The following IMMP2L variants were observed in gnomAD, a reference collection of about 807,000 sequenced individuals.
The protein encoded by IMMP2L is inner mitochondrial membrane peptidase subunit 2, also known as mitochondrial inner membrane protease subunit 2.
IMMP2L carries 18 observed loss-of-function variants against 19.3 expected under a neutral mutation model. That is an observed-to-expected ratio of 0.93 (90% CI 0.64 to 1.38). IMMP2L has a LOEUF of 1.38. IMMP2L is among the 40% of genes most tolerant of loss of function. The pLI is 0.00. For synonymous variants in IMMP2L, 76 were observed against 73.0 expected, an observed-to-expected ratio of 1.04 and a Z score of -0.21; for missense variants, 233 against 218.2, an observed-to-expected ratio of 1.07 and a Z score of -0.43.
intron 4 of IMMP2L, among the ~76,000 whole-genome samples, chr7:110,927,543 T>C (rs1237078029): frequency 6.6e-6 from 1 of 151,982 alleles, no homozygotes; most frequent in East Asian, 1.9e-4. Flanking sequence ...GATATGACTG[T>C]AGAAGAATGG....
chr7:111,393,224 T>C (rs1303720124), intron 3 of IMMP2L, among the ~76,000 whole-genome samples: 2 of 151,744 alleles, frequency 1.3e-5, no homozygotes, highest in African/African-American at 2.4e-5. Flanking sequence ...CTCAGGAAAT[T>C]CCAAGGATTT....
At chr7:111,165,861 C>G (rs2129607946) in intron 3 of IMMP2L, among the ~76,000 whole-genome samples, 1 of 152,102 alleles carries the variant, frequency 6.6e-6, no homozygotes, top group Non-Finnish European at 1.5e-5. Flanking sequence ...GGCAAGTTAT[C>G]AGGATTATAG....
intron 3 of IMMP2L, among the ~76,000 whole-genome samples, chr7:110,982,913 T>C (rs1821453685): frequency 6.6e-6 from 1 of 152,126 alleles, no homozygotes; most frequent in South Asian, 2.1e-4. Flanking sequence ...CCATTAACTA[T>C]ATCTCTTAGT....
intron 3 of IMMP2L, among the ~76,000 whole-genome samples, chr7:111,452,732 G>T (rs1323785618): frequency 6.6e-6 from 1 of 151,958 alleles, no homozygotes; most frequent in African/African-American, 2.4e-5. Context: ...TAAGGAGCAG[G>T]TTGCTATAGC....
At chr7:111,470,752 C>A (rs1841179483) in intron 3 of IMMP2L, among the ~76,000 whole-genome samples, 2 of 148,330 alleles carry the variant, frequency 1.3e-5, no homozygotes, top group South Asian at 4.4e-4. Flanking sequence ...GGAGGGATAG[C>A]ATTAGGAGAT....
At chr7:110,969,300 T>C (rs139141481) in intron 3 of IMMP2L, among the ~76,000 whole-genome samples, 5 of 152,184 alleles carry the variant, frequency 3.3e-5, no homozygotes, top group African/African-American at 1.2e-4. Context: ...TCTCAAAATT[T>C]TTATGTAGGT....
chr7:111,054,107 C>T (rs977933681), intron 3 of IMMP2L, among the ~76,000 whole-genome samples: 3 of 151,974 alleles, frequency 2.0e-5, no homozygotes, highest in African/African-American at 7.3e-5. Flanking sequence ...TTAAAACCAC[C>T]ACAATATGTG....
intron 3 of IMMP2L, among the ~76,000 whole-genome samples, chr7:111,016,740 T>A (rs1369544772): frequency 2.1e-5 from 2 of 97,510 alleles, no homozygotes; most frequent in Non-Finnish European, 1.8e-5. Context: ...AATATATATA[T>A]TATATATATT....
At chr7:110,862,362 C>A (rs1191551882) in intron 5 of IMMP2L, among the ~76,000 whole-genome samples, 1 of 150,764 alleles carries the variant, frequency 6.6e-6, no homozygotes, top group African/African-American at 2.4e-5. Flanking sequence ...TTTTTAGAAA[C>A]AGGGTCATGC....
chr7:111,074,515 G>C (rs1316412765), intron 3 of IMMP2L, among the ~76,000 whole-genome samples: 1 of 152,060 alleles, frequency 6.6e-6, no homozygotes. Flanking sequence ...TCTCATTTTT[G>C]GACATATTTC....
chr7:110,959,398 C>T (rs771027859), intron 4 of IMMP2L, among the ~76,000 whole-genome samples: 2 of 151,806 alleles, frequency 1.3e-5, no homozygotes, highest in Non-Finnish European at 2.9e-5. Context: ...TTTTAATATA[C>T]TCTGGCATTT....
At chr7:110,828,543 CT>C (rs1803698226) in intron 5 of IMMP2L, among the ~76,000 whole-genome samples, 2 of 152,148 alleles carry the variant, frequency 1.3e-5, no homozygotes, top group South Asian at 4.1e-4. Flanking sequence ...GTCTCCTCCC[CT>C]GATACTCCTA....
chr7:111,172,653 C>T (rs2129609393), intron 3 of IMMP2L, among the ~76,000 whole-genome samples: 1 of 151,622 alleles, frequency 6.6e-6, no homozygotes, highest in East Asian at 1.9e-4. Flanking sequence ...CCTTCTTCCC[C>T]TTTCCTTCCC....
At chr7:111,202,522 G>A (rs928656990) in intron 3 of IMMP2L, among the ~76,000 whole-genome samples, 4 of 152,106 alleles carry the variant, frequency 2.6e-5, no homozygotes, top group African/African-American at 7.2e-5. Context: ...AGTTTCACTC[G>A]TGAACCCAGC....
At chr7:111,337,206 T>TA (rs1826513791) in intron 3 of IMMP2L, among the ~76,000 whole-genome samples, 1 of 152,032 alleles carries the variant, frequency 6.6e-6, no homozygotes, top group Admixed American at 6.6e-5. Context: ...TTTCTTTTTT[T>TA]AAAAAAAGCA....
At chr7:110,683,818 T>C (rs1195772566) in intron 5 of IMMP2L, among the ~76,000 whole-genome samples, 1 of 152,120 alleles carries the variant, frequency 6.6e-6, no homozygotes, top group Admixed American at 6.6e-5. Flanking sequence ...TACTTTCTAT[T>C]GACTCTGTGA....
chr7:111,368,798 T>C (rs538626621), intron 3 of IMMP2L, among the ~76,000 whole-genome samples: 11 of 152,134 alleles, frequency 7.2e-5, no homozygotes, highest in Non-Finnish European at 7.4e-5. Flanking sequence ...GTGACTTTTA[T>C]TCTTTTCCAA....
intron 3 of IMMP2L, among the ~76,000 whole-genome samples, chr7:111,178,235 G>T (rs1039818192): frequency 3.9e-5 from 6 of 152,016 alleles, no homozygotes; most frequent in African/African-American, 1.4e-4. Context: ...ACACTATACT[G>T]TACTTTATTA....
At chr7:110,734,010 C>G (rs1440253983) in intron 5 of IMMP2L, among the ~76,000 whole-genome samples, 1 of 152,124 alleles carries the variant, frequency 6.6e-6, no homozygotes, top group Non-Finnish European at 1.5e-5. Flanking sequence ...GTTACAGTAG[C>G]ATGAATAGAC....
Sources: allele counts gnomAD v4.1 joint callset (sites outside exome capture counted in the v4.1 genomes callset), GRCh38; gene constraint gnomAD v4.1.1; transcripts MANE v1.5; gene names NCBI Gene and HGNC (gene_info 2026-07-23, HGNC 2026-07-21).